The following SORCS2 variants were observed in gnomAD, a reference collection of about 807,000 sequenced individuals.
SORCS2 encodes VPS10 domain-containing receptor SorCS2.
In SORCS2, 100 loss-of-function variants were observed where a neutral mutation model predicts 141.6. The ratio of observed to expected loss-of-function variants is 0.71; its 90% CI spans 0.60 to 0.83. SORCS2 has a LOEUF of 0.83. Among genes scored for constraint, SORCS2 ranks in the 40% least tolerant of loss-of-function variants. SORCS2 has a pLI of 0.00. For missense variants in SORCS2, 1,646 were observed against 1,560.2 expected (o/e 1.05, Z -0.93); for synonymous variants, 789 against 676.9 (o/e 1.17, Z -2.57).
At chr4:7,517,985 G>A (rs1733094077) in intron 2 of SORCS2, among the ~76,000 whole-genome samples, 1 of 152,226 alleles carries the variant, frequency 6.6e-6, no homozygotes, top group South Asian at 2.1e-4. Flanking sequence ...GGCAGAACAT[G>A]CTGAGTATTT....
chr4:7,240,601 G>A (rs530577351), intron 1 of SORCS2, among the ~76,000 whole-genome samples: 96 of 152,332 alleles, frequency 6.3e-4, no homozygotes, highest in Non-Finnish European at 1.2e-3. Context: ...CGCCCTGAGA[G>A]CTTGGTCCTG....
intron 2 of SORCS2, chr4:7,433,838 C>T (rs1440691740): frequency 3.1e-6 from 5 of 1,613,730 alleles, no homozygotes; most frequent in Middle Eastern, 1.6e-4. Context: ...ACAAGCTGCA[C>T]CAAGGAGGGG....
chr4:7,346,705 T>G (rs181166742), intron 1 of SORCS2, among the ~76,000 whole-genome samples: 1 of 152,350 alleles, frequency 6.6e-6, no homozygotes, highest in African/African-American at 2.4e-5. Context: ...TCATGTACTT[T>G]AGGGCTATGT....
chr4:7,541,301 C>T (rs1429823346), intron 3 of SORCS2, among the ~76,000 whole-genome samples: 2 of 152,204 alleles, frequency 1.3e-5, no homozygotes, highest in African/African-American at 2.4e-5. Context: ...CAGGGTGCCT[C>T]GTGGGACCCC....
intron 2 of SORCS2, among the ~76,000 whole-genome samples, chr4:7,438,992 C>G (rs1458692440): frequency 6.6e-6 from 1 of 152,158 alleles, no homozygotes; most frequent in East Asian, 1.9e-4. Context: ...ATGTTCCAGG[C>G]TCATCTTTTT....
intron 2 of SORCS2, among the ~76,000 whole-genome samples, chr4:7,503,098 A>T (rs1560337814): frequency 6.6e-6 from 1 of 152,132 alleles, no homozygotes; most frequent in Non-Finnish European, 1.5e-5. Flanking sequence ...TGGGGAATAT[A>T]TCTGGGGAAT....
At chr4:7,325,233 C>T (rs1443925586) in intron 1 of SORCS2, among the ~76,000 whole-genome samples, 1 of 152,126 alleles carries the variant, frequency 6.6e-6, no homozygotes, top group Non-Finnish European at 1.5e-5. Context: ...TGGACAAAGG[C>T]ACTTCAGGTG....
At chr4:7,691,961 G>C (rs992423076) in intron 11 of SORCS2, among the ~76,000 whole-genome samples, 2 of 151,686 alleles carry the variant, frequency 1.3e-5, no homozygotes, top group East Asian at 1.9e-4. Flanking sequence ...CTCTGTGGGG[G>C]TGTCAGTCAC....
chr4:7,418,857 G>T (rs1725867537), intron 2 of SORCS2, among the ~76,000 whole-genome samples: 1 of 152,188 alleles, frequency 6.6e-6, no homozygotes, highest in Admixed American at 6.5e-5. Flanking sequence ...AATTATCTTG[G>T]TGGCTCTCTT....
At chr4:7,613,999 A>G (rs896328673) in intron 3 of SORCS2, among the ~76,000 whole-genome samples, 1 of 151,394 alleles carries the variant, frequency 6.6e-6, no homozygotes, top group African/African-American at 2.4e-5. Flanking sequence ...CCATCCACCT[A>G]TTCATCAATC....
chr4:7,610,848 G>C (rs1376892181), intron 3 of SORCS2, among the ~76,000 whole-genome samples: 1 of 152,218 alleles, frequency 6.6e-6, no homozygotes, highest in African/African-American at 2.4e-5. Flanking sequence ...CTGTGGACGG[G>C]GATGGGGAAG....
chr4:7,217,713 T>C lies in SORCS2; in HGVS notation c.480+24587T>C, dbSNP rs145214450. ...CTCGTTATGTAGCTGTGTGTGGGGG[T>C]GTGTGACAACACGCACACACAAAGA... is the stretch of plus-strand genomic sequence containing the variant. On this transcript the variant is annotated intron_variant, in intron 1 of 26. Transcript: ENST00000507866. 6.8e-3 allele frequency among the ~76,000 whole-genome samples: 1,028 copies of C among 151,724 alleles called. 14 individuals carry two copies. Among genetic ancestry groups the C allele is most frequent in the African/African-American group, 0.023 (969 of 41,336 alleles).
rs527610505 is a variant in SORCS2 at position 7,212,922 on chromosome 4, T to TG, written c.480+19802dup. On this transcript the variant is annotated intron_variant, in intron 1 of 26. Transcript: ENST00000507866. ...CTTGAACCTCTTCTGGTCTCGTCATTGGGGGGTCATCTGCCCACCTGGGGG... is the reference window on the plus strand; with the variant it reads ...CTTGAACCTCTTCTGGTCTCGTCATTGGGGGGGTCATCTGCCCACCTGGGGG... Among the ~76,000 whole-genome samples the TG allele has an allele frequency of 1.1e-4, 17 of 152,248 alleles. No individual in the cohort carries two copies. In the South Asian group the frequency reaches 3.3e-3, roughly 30 times the overall value.
chr4:7,567,301 C>A (rs1715084943), intron 3 of SORCS2, among the ~76,000 whole-genome samples: 1 of 152,122 alleles, frequency 6.6e-6, no homozygotes, highest in Non-Finnish European at 1.5e-5. Flanking sequence ...CTAATGCCTT[C>A]ATCGATCTCA....
chr4:7,310,565 G>T (rs1453000051), intron 1 of SORCS2: 1 of 154,202 alleles, frequency 6.5e-6, no homozygotes, highest in Non-Finnish European at 1.5e-5. Flanking sequence ...CATACTAGTT[G>T]CCCCATGAGG....
At chr4:7,511,746 G>T (rs1295932598) in intron 2 of SORCS2, among the ~76,000 whole-genome samples, 1 of 152,120 alleles carries the variant, frequency 6.6e-6, no homozygotes, top group Non-Finnish European at 1.5e-5. Flanking sequence ...AGCTCCTCTG[G>T]CTTCCCCGTC....
chr4:7,464,220 A>G (rs1729476292), intron 2 of SORCS2, among the ~76,000 whole-genome samples: 1 of 152,122 alleles, frequency 6.6e-6, no homozygotes, highest in South Asian at 2.1e-4. Flanking sequence ...TGCAGAACCC[A>G]CCCAACTACC....
chr4:7,527,131 C>T (rs1733743743), intron 2 of SORCS2, among the ~76,000 whole-genome samples: 1 of 152,196 alleles, frequency 6.6e-6, no homozygotes, highest in African/African-American at 2.4e-5. Context: ...TCCGGCCGCC[C>T]TGTTGTCTCT....
chr4:7,331,723 G>T (rs574746627), intron 1 of SORCS2, among the ~76,000 whole-genome samples: 1 of 152,178 alleles, frequency 6.6e-6, no homozygotes, highest in African/African-American at 2.4e-5. Flanking sequence ...TGTTTCTAAC[G>T]AGCCCCCAGG....
Sources: gnomAD v4.1 joint callset for allele counts (sites outside exome capture counted in the v4.1 genomes callset) on GRCh38, gnomAD v4.1.1 for gene constraint, MANE v1.5 for transcripts, NCBI Gene and HGNC (gene_info 2026-07-23, HGNC 2026-07-21) for gene names.